SLC30A7: variants seen among roughly 807,000 people sequenced by gnomAD.
SLC30A7 encodes solute carrier family 30 member 7.
SLC30A7 carries 35 observed loss-of-function variants against 46.0 expected under a neutral mutation model. The observed-to-expected ratio is 0.76, with a 90% CI of 0.58 to 1.01. SLC30A7 has a LOEUF of 1.01. SLC30A7 is among the 50% of genes least tolerant of loss of function. The pLI is 0.00. For synonymous variants in SLC30A7, 147 were observed against 157.8 expected (o/e 0.93, Z 0.51); for missense variants, 464 against 451.1 (o/e 1.03, Z -0.26).
chr1:100,931,625 A>G (rs544886690), intron 8 of SLC30A7, among the ~76,000 whole-genome samples: 1 of 152,178 alleles, frequency 6.6e-6, no homozygotes, highest in Non-Finnish European at 1.5e-5. Flanking sequence ...TATTCACTGT[A>G]AAACCTAACT....
In SLC30A7 at chr1:100,913,673, C is replaced by T; in HGVS notation, c.522C>T (p.His174=). 6.2e-7 allele frequency: 1 copy of T among 1,613,746 alleles called. No individual in the cohort carries two copies. Among genetic ancestry groups the T allele is most frequent in the Non-Finnish European group, 8.5e-7 (1 of 1,179,684 alleles). The stretch of plus-strand genomic sequence containing the variant: ...CACTTTGTTTTCTAGGCCACGGACA[C>T]AGTCATTCCCTCTTTAATGGTGCTC... ...HGHSHGSGHG[H]SHSLFNGALD... Residue 174 remains histidine (H), a synonymous_variant, in exon 6 of 11, where the codon CAC becomes CAT. Coordinates refer to ENST00000357650, the MANE Select transcript of SLC30A7 (RefSeq NM_133496.5).
At chr1:100,992,851 T>A in the SLC30A7 span, 1 of 646,310 alleles carries the variant, frequency 1.5e-6, no homozygotes, top group Non-Finnish European at 2.7e-6. Context: ...TACATTCTGT[T>A]TGATGTTTTT....
Position 100,981,046 on chromosome 1 carries a change from C to T in SLC30A7, c.*6189C>T, listed in dbSNP as rs1447216114. ...CTCAAACACAAAATTTTAGTAGTAC[C>T]TCCCTCTATTTCTTCACTGATTTTT... is the stretch of plus-strand genomic sequence containing the variant. On this transcript the variant is annotated 3_prime_UTR_variant, in exon 11 of 11. Coordinates refer to ENST00000357650, the MANE Select transcript of SLC30A7 (RefSeq NM_133496.5). 1 of 151,858 alleles carries T rather than the reference C, an allele frequency of 6.6e-6. No individual in the cohort carries two copies. The allele number at this position is 151,858 out of a possible 1,614,324, so 9.4% of individuals were successfully genotyped here.
intron 8 of SLC30A7, among the ~76,000 whole-genome samples, chr1:100,935,113 T>C (rs2101050097): frequency 6.6e-6 from 1 of 152,360 alleles, no homozygotes; most frequent in African/African-American, 2.4e-5. Context: ...ACTACAAATT[T>C]AGCTCATTTA....
At chr1:100,928,313 GTA>G (rs1653440681) in intron 8 of SLC30A7, among the ~76,000 whole-genome samples, 1 of 152,174 alleles carries the variant, frequency 6.6e-6, no homozygotes. Flanking sequence ...GTACTGGAGT[GTA>G]GGAGAGAAAA....
chr1:100,899,105 AG>A (rs1444570266), intron 2 of SLC30A7, among the ~76,000 whole-genome samples: 1 of 152,222 alleles, frequency 6.6e-6, no homozygotes, highest in Non-Finnish European at 1.5e-5. Flanking sequence ...GTGGAACAAT[AG>A]GTAGTTGTTG....
intron 8 of SLC30A7, chr1:100,941,887 C>T (rs1280783602): frequency 4.6e-5 from 18 of 388,218 alleles, no homozygotes; most frequent in South Asian, 2.9e-4. Context: ...CCCCATTGCT[C>T]GGAATGGCTC....
the SLC30A7 span, among the ~76,000 whole-genome samples, chr1:100,994,696 T>C: frequency 3.1e-4 from 47 of 152,162 alleles, no homozygotes; most frequent in African/African-American, 1.1e-3. Flanking sequence ...CCAGCTAATT[T>C]TTCCATTTTT....
chr1:100,923,004 ATTTTTTTTTTTTT>A (rs71084855), intron 8 of SLC30A7, among the ~76,000 whole-genome samples: 24 of 49,114 alleles, frequency 4.9e-4, no homozygotes, highest in Middle Eastern at 0.015. Context: ...GTTAGAATAG[ATTTTTTTTTTTTT>A]TTTTTTTTTT....
At chr1:100,910,087 C>A (rs772106644) in intron 3 of SLC30A7, among the ~76,000 whole-genome samples, 2 of 152,036 alleles carry the variant, frequency 1.3e-5, no homozygotes, top group Non-Finnish European at 2.9e-5. Flanking sequence ...ACAGGACAAA[C>A]TCCAACATAA....
chr1:100,937,627 T>C (rs767719703), intron 8 of SLC30A7, among the ~76,000 whole-genome samples: 11 of 152,330 alleles, frequency 7.2e-5, no homozygotes, highest in Non-Finnish European at 1.6e-4. Flanking sequence ...TTTGGGAAAA[T>C]GTCTATTCAA....
chr1:100,909,866 T>C (rs1192814627), intron 3 of SLC30A7, among the ~76,000 whole-genome samples: 2 of 152,108 alleles, frequency 1.3e-5, no homozygotes, highest in South Asian at 2.1e-4. Context: ...GAAAATACTT[T>C]TTACTTTTGG....
In SLC30A7 at chr1:100,978,863, A is replaced by G. The variant is rs528832754; in HGVS notation, c.*4006A>G. 4 of 152,288 alleles carry G rather than the reference A, an allele frequency of 2.6e-5. No individual in the cohort carries two copies. The East Asian group carries it at 5.8e-4, about 22-fold the overall frequency. 9.4% of individuals were successfully genotyped at this position (152,288 alleles called of 1,614,324 possible). A position where few individuals can be genotyped will look rare whatever the true frequency, so the allele number is the denominator to read the frequency against. The stretch of plus-strand genomic sequence containing the variant: ...CCAGTTCCTGACATTTTAAAAAACA[A>G]TATCTGTAAAATGGATCCTTTTATG... On this transcript the variant is annotated 3_prime_UTR_variant, in exon 11 of 11. Transcript: ENST00000357650.
chr1:100,912,091 T>G (rs760811678), intron 4 of SLC30A7, 21 bp from the exon 5 acceptor site: 2 of 1,605,490 alleles, frequency 1.2e-6, no homozygotes, highest in Non-Finnish European at 1.7e-6. Flanking sequence ...ATGCTATTTG[T>G]TTGTATTATG....
the SLC30A7 span, among the ~76,000 whole-genome samples, chr1:100,987,563 C>T: frequency 6.6e-6 from 1 of 152,010 alleles, no homozygotes; most frequent in African/African-American, 2.4e-5. Context: ...AACCACCCTA[C>T]CTTTTTGTCC....
At chr1:100,937,178 G>A (rs1654016216) in intron 8 of SLC30A7, among the ~76,000 whole-genome samples, 1 of 152,088 alleles carries the variant, frequency 6.6e-6, no homozygotes, top group Non-Finnish European at 1.5e-5. Context: ...ATTACTACCT[G>A]CAGACATACT....
At position 100,980,458 on chromosome 1, in the gene SLC30A7, TC is replaced by T. The variant is rs761161764; in HGVS notation, c.*5602del. Reference sequence around the variant, plus strand: ...GAAAGCTTGTAATAAAGAATATCTTTCTCTTCTGCATCCTTTTATCCTCAAA... The same window carrying T: ...GAAAGCTTGTAATAAAGAATATCTTTTCTTCTGCATCCTTTTATCCTCAAA... On this transcript the variant is annotated 3_prime_UTR_variant, in exon 11 of 11. Coordinates refer to ENST00000357650, the MANE Select transcript of SLC30A7 (RefSeq NM_133496.5). The T allele has an allele frequency of 7.2e-5, 11 of 152,152 alleles. No individual in the cohort carries two copies. The highest frequency in any genetic ancestry group is 1.2e-4 in the Non-Finnish European group (8 of 67,962). The allele number at this position is 152,152 out of a possible 1,614,324, so 9.4% of individuals were successfully genotyped here. A position where few individuals can be genotyped will look rare whatever the true frequency, so the allele number is the denominator to read the frequency against.
chr1:100,993,237 G>A, the SLC30A7 span, among the ~76,000 whole-genome samples: 182 of 152,058 alleles, frequency 1.2e-3, 1 homozygote, highest in African/African-American at 4.3e-3. Context: ...CAGGCTTGCC[G>A]AACTATCATA....
chr1:100,936,002 C>G (rs1406280444), intron 8 of SLC30A7, among the ~76,000 whole-genome samples: 1 of 152,046 alleles, frequency 6.6e-6, no homozygotes, highest in Non-Finnish European at 1.5e-5. Flanking sequence ...AACTATACCT[C>G]AGGTTTATGA....
Sources: allele counts gnomAD v4.1 joint callset (sites outside exome capture counted in the v4.1 genomes callset), GRCh38; gene constraint gnomAD v4.1.1; transcripts MANE v1.5; gene names NCBI Gene and HGNC (gene_info 2026-07-23, HGNC 2026-07-21).